The following FMNL2 variants were observed in gnomAD, a reference collection of about 807,000 sequenced individuals.
FMNL2 encodes the protein formin like 2.
FMNL2 carries 51 observed loss-of-function variants against 130.2 expected under a neutral mutation model. That is an observed-to-expected ratio of 0.39 (90% CI 0.31 to 0.49). The LOEUF is 0.49. FMNL2 is among the 20% of genes least tolerant of loss of function. The pLI is 0.85. For missense variants in FMNL2, 977 were observed against 1,316.2 expected (o/e 0.74, Z 3.99); for synonymous variants, 465 against 467.1 (o/e 1.00, Z 0.06).
intron 1 of FMNL2, among the ~76,000 whole-genome samples, chr2:152,404,430 A>G (rs368361182): frequency 6.6e-6 from 1 of 152,192 alleles, no homozygotes; most frequent in Non-Finnish European, 1.5e-5. Flanking sequence ...AATGAAATAT[A>G]TATCATCTTT....
chr2:152,548,394 A>G (rs1254992389), intron 3 of FMNL2, among the ~76,000 whole-genome samples: 1 of 152,206 alleles, frequency 6.6e-6, no homozygotes, highest in African/African-American at 2.4e-5. Context: ...ACAGTTTATG[A>G]AAACAATACG....
chr2:152,631,793 A>T (rs892295660), intron 20 of FMNL2, among the ~76,000 whole-genome samples: 10 of 152,176 alleles, frequency 6.6e-5, no homozygotes, highest in Non-Finnish European at 4.4e-5. Context: ...ATAGTTAAGC[A>T]TGTGCCCTGG....
intron 24 of FMNL2, 39 bp from the exon 25 acceptor site, chr2:152,640,752 G>T: frequency 6.2e-7 from 1 of 1,605,882 alleles, no homozygotes; most frequent in East Asian, 2.2e-5. Context: ...CTCCTAATGG[G>T]TGCTGGCCTC....
chr2:152,359,494 T>TCC (rs1553866945), intron 1 of FMNL2, among the ~76,000 whole-genome samples: 5 of 147,950 alleles, frequency 3.4e-5, no homozygotes, highest in East Asian at 4.0e-4. Flanking sequence ...TTTTTTTTTT[T>TCC]CACATAACAG....
At chr2:152,624,577 G>A (rs1194495817) in intron 15 of FMNL2, among the ~76,000 whole-genome samples, 4 of 151,994 alleles carry the variant, frequency 2.6e-5, no homozygotes, top group Non-Finnish European at 2.9e-5. Context: ...GATGGCTCAC[G>A]CCTGTAATCC....
chr2:152,637,295 C>T (rs1205656091), intron 22 of FMNL2, among the ~76,000 whole-genome samples: 5 of 152,148 alleles, frequency 3.3e-5, no homozygotes, highest in East Asian at 1.9e-4. Flanking sequence ...GGGGTGTGTG[C>T]GTGTGCATGC....
At position 152,375,877 on chromosome 2, in the gene FMNL2, C is replaced by CTATATATATATATATATA. The variant is rs61564333; in HGVS notation, c.117+40160_117+40177dup. ...TCTCTCTCTCTCTCTCTCTCTCTCT[C>CTATATATATATATATATA]TATATATATATATATATATAATTAT... On this transcript the variant is annotated intron_variant, in intron 1 of 25. Coordinates refer to ENST00000288670, the MANE Select transcript of FMNL2 (RefSeq NM_052905.4). 3.6e-4 allele frequency among the ~76,000 whole-genome samples: 40 copies of CTATATATATATATATATA among 112,462 alleles called. No homozygotes were observed. In the East Asian group the frequency reaches 3.8e-3, roughly 11 times the overall value. The allele number at this position is 112,462 out of a possible 152,430, so 73.8% of individuals were successfully genotyped here. A position where few individuals can be genotyped will look rare whatever the true frequency, so the allele number is the denominator to read the frequency against.
At chr2:152,477,455 G>C (rs924485495) in intron 1 of FMNL2, among the ~76,000 whole-genome samples, 1 of 152,134 alleles carries the variant, frequency 6.6e-6, no homozygotes, top group Non-Finnish European at 1.5e-5. Context: ...CTAGATTTTG[G>C]TGCTGTTTTA....
chr2:152,526,089 AT>A (rs572677750), intron 2 of FMNL2, among the ~76,000 whole-genome samples: 1 of 151,840 alleles, frequency 6.6e-6, no homozygotes, highest in Non-Finnish European at 1.5e-5. Context: ...AGTGTTGGTT[AT>A]TTTTTTTGAA....
intron 1 of FMNL2, among the ~76,000 whole-genome samples, chr2:152,377,709 A>G (rs1180979171): frequency 6.6e-6 from 1 of 152,198 alleles, no homozygotes; most frequent in Non-Finnish European, 1.5e-5. Flanking sequence ...TTATTCTTGC[A>G]TTTGTATGAA....
At chr2:152,631,962 T>C (rs761790475) in intron 20 of FMNL2, 46 bp from the exon 21 acceptor site, 3 of 1,573,908 alleles carry the variant, frequency 1.9e-6, no homozygotes, top group Non-Finnish European at 2.6e-6. Context: ...AAGTGTCTTG[T>C]TACCCTTTAC....
At chr2:152,551,780 C>T (rs1369619684) in intron 4 of FMNL2, among the ~76,000 whole-genome samples, 4 of 152,150 alleles carry the variant, frequency 2.6e-5, no homozygotes, top group Non-Finnish European at 4.4e-5. Flanking sequence ...CTTTGGGAGG[C>T]CGAGGCAGGA....
intron 10 of FMNL2, 94 bp downstream of exon 10, chr2:152,607,507 A>ACACACACACACACG (rs1491371455): frequency 1.3e-6 from 1 of 797,988 alleles, no homozygotes; most frequent in African/African-American, 1.8e-5. Context: ...ACACACACAC[A>ACACACACACACACG]TATTTATATT....
intron 9 of FMNL2, among the ~76,000 whole-genome samples, chr2:152,593,436 G>A (rs1215468771): frequency 1.3e-5 from 2 of 152,192 alleles, no homozygotes; most frequent in Non-Finnish European, 2.9e-5. Context: ...GGAGTATTGT[G>A]TAGCTCTGCA....
chr2:152,592,255 G>C (rs1697484017), intron 9 of FMNL2, among the ~76,000 whole-genome samples: 1 of 152,172 alleles, frequency 6.6e-6, no homozygotes. Flanking sequence ...TTTAAGAATT[G>C]TGCATGTATT....
intron 1 of FMNL2, among the ~76,000 whole-genome samples, chr2:152,416,136 A>G (rs1240114187): frequency 1.4e-5 from 2 of 144,796 alleles, no homozygotes; most frequent in Non-Finnish European, 3.0e-5. Flanking sequence ...GTAGAGGGAT[A>G]GTGTTATGGA....
rs184967811 is a variant in FMNL2, at chr2:152,394,883, A to G, written c.117+59163A>G. On this transcript the variant is annotated intron_variant, in intron 1 of 25. Transcript: ENST00000288670. ...AAAATGTAATTTGAGGATAAGCAAAACCCTGATCTGCTGAAAATTACAAAA... is the reference window on the plus strand; with the variant it reads ...AAAATGTAATTTGAGGATAAGCAAAGCCCTGATCTGCTGAAAATTACAAAA... Among the ~76,000 whole-genome samples the G allele has an allele frequency of 3.7e-4, 56 of 152,152 alleles. 1 individual carries two copies. The highest frequency in any genetic ancestry group is 1.3e-3 in the African/African-American group (55 of 41,496).
chr2:152,506,571 AT>A (rs1692182329), intron 1 of FMNL2, among the ~76,000 whole-genome samples: 1 of 152,208 alleles, frequency 6.6e-6, no homozygotes, highest in African/African-American at 2.4e-5. Context: ...GAATCCACAG[AT>A]GTGGAACCCA....
At chr2:152,424,963 C>T (rs1687124665) in intron 1 of FMNL2, among the ~76,000 whole-genome samples, 2 of 152,174 alleles carry the variant, frequency 1.3e-5, no homozygotes, top group South Asian at 4.1e-4. Flanking sequence ...TACAAGGGCG[C>T]TGAGTTTGTG....
Sources: allele counts gnomAD v4.1 joint callset (sites outside exome capture counted in the v4.1 genomes callset), GRCh38; gene constraint gnomAD v4.1.1; transcripts MANE v1.5; gene names NCBI Gene and HGNC (gene_info 2026-07-23, HGNC 2026-07-21).